Variants in SLCO5A1 observed in about 807,000 individuals in gnomAD.
SLCO5A1 encodes the protein solute carrier organic anion transporter family member 5A1.
Under a neutral mutation model 65.1 loss-of-function variants are expected in SLCO5A1, and 39 were observed. The ratio of observed to expected loss-of-function variants is 0.60; its 90% CI spans 0.46 to 0.78. The LOEUF is 0.78. Ranked by LOEUF, SLCO5A1 falls within the 30% of genes least tolerant of loss-of-function variation. SLCO5A1 has a pLI of 0.00. For missense variants in SLCO5A1, 1,029 were observed against 1,069.4 expected (o/e 0.96, Z 0.53); for synonymous variants, 438 against 415.7 (o/e 1.05, Z -0.65).
At chr8:69,733,992 C>T (rs1004357431) in intron 5 of SLCO5A1, among the ~76,000 whole-genome samples, 15 of 151,750 alleles carry the variant, frequency 9.9e-5, no homozygotes, top group Non-Finnish European at 1.9e-4. Flanking sequence ...GCAGAAAGAC[C>T]ATGAGCAGGG....
intron 3 of SLCO5A1, among the ~76,000 whole-genome samples, chr8:69,761,212 GT>G (rs1456282648): frequency 5.3e-5 from 8 of 152,202 alleles, no homozygotes; most frequent in Non-Finnish European, 1.0e-4. Context: ...GCTATAAGAA[GT>G]TACCACACAC....
intron 4 of SLCO5A1, among the ~76,000 whole-genome samples, chr8:69,753,848 TAA>T (rs71275012): frequency 7.0e-6 from 1 of 143,486 alleles, no homozygotes. Flanking sequence ...CCATCTCTGC[TAA>T]AAAAAAAAAA....
chr8:69,734,687 T>A (rs1816481347), intron 5 of SLCO5A1, among the ~76,000 whole-genome samples: 1 of 152,204 alleles, frequency 6.6e-6, no homozygotes. Flanking sequence ...TCTCTATCCA[T>A]AACACAACGC....
intron 6 of SLCO5A1, among the ~76,000 whole-genome samples, chr8:69,683,343 C>T (rs1274126842): frequency 6.6e-6 from 1 of 152,136 alleles, no homozygotes; most frequent in East Asian, 1.9e-4. Flanking sequence ...TCCATTTTTC[C>T]AGTATCTACC....
Position 69,672,803 on chromosome 8 carries a change from A to C in SLCO5A1, c.*66T>G. ...AAAAAAGAAAGAAAGAAAAGAAGGC[A>C]CAGTTGTTTCTCAAGTCGCCATTTT... On this transcript the variant is annotated 3_prime_UTR_variant, in exon 10 of 10. Transcript: ENST00000260126. The C allele has an allele frequency of 6.7e-7, 1 of 1,497,848 alleles. No individual in the cohort carries two copies. The highest frequency in any genetic ancestry group is 9.0e-7 in the Non-Finnish European group (1 of 1,112,966). 92.8% of individuals were successfully genotyped at this position (1,497,848 alleles called of 1,614,324 possible).
At chr8:69,741,762 A>AGGATATTCAAAGTTAAT (rs1445468050) in intron 4 of SLCO5A1, among the ~76,000 whole-genome samples, 1 of 152,240 alleles carries the variant, frequency 6.6e-6, no homozygotes, top group Admixed American at 6.5e-5. Context: ...TCCAAATTGA[A>AGGATATTCAAAGTTAAT]GGATATTCAA....
Position 69,695,611 on chromosome 8 carries a change from T to A in SLCO5A1, c.1622+9420A>T, listed in dbSNP as rs564254194. 2.0e-5 allele frequency among the ~76,000 whole-genome samples: 3 copies of A among 152,234 alleles called. No individual in the cohort carries two copies. In the East Asian group the frequency reaches 5.8e-4, roughly 29 times the overall value. On this transcript the variant is annotated intron_variant, in intron 6 of 9. Transcript: ENST00000260126. ...TAATGTTTTCAACCAAATGTATAAG[T>A]AATTATGCTGGTAACCAGGAGAGAT... is the stretch of plus-strand genomic sequence containing the variant.
intron 6 of SLCO5A1, among the ~76,000 whole-genome samples, chr8:69,682,818 G>A (rs749351829): frequency 2.0e-5 from 3 of 152,150 alleles, no homozygotes; most frequent in Admixed American, 6.5e-5. Context: ...ATTAATATAC[G>A]TTCCTTCGAC....
At chr8:69,765,881 A>T (rs780653360) in intron 2 of SLCO5A1, among the ~76,000 whole-genome samples, 1 of 152,084 alleles carries the variant, frequency 6.6e-6, no homozygotes, top group Non-Finnish European at 1.5e-5. Context: ...TCCAGGCCTG[A>T]CTGTCCTCCC....
intron 4 of SLCO5A1, among the ~76,000 whole-genome samples, chr8:69,748,312 T>C (rs1289779956): frequency 1.3e-5 from 2 of 152,200 alleles, no homozygotes; most frequent in African/African-American, 4.8e-5. Flanking sequence ...TGTTCACATA[T>C]CTTTCTAAGG....
rs1028109505 is a variant in SLCO5A1, at chr8:69,668,581, A to G, written c.*4288T>C. ...GGGCTTGCCTCCTGCTCCTGGGTGCACTAGGGAATTCCCATCAATGCTTCA... is the reference window on the plus strand; with the variant it reads ...GGGCTTGCCTCCTGCTCCTGGGTGCGCTAGGGAATTCCCATCAATGCTTCA... On this transcript the variant is annotated 3_prime_UTR_variant, in exon 10 of 10. Transcript: ENST00000260126. 3 of 152,226 alleles carry G rather than the reference A, an allele frequency of 2.0e-5. No homozygotes were observed. Among genetic ancestry groups the G allele is most frequent in the Non-Finnish European group, 4.4e-5 (3 of 68,050 alleles). 9.4% of individuals were successfully genotyped at this position (152,226 alleles called of 1,614,324 possible). A position where few individuals can be genotyped will look rare whatever the true frequency, so the allele number is the denominator to read the frequency against.
intron 2 of SLCO5A1, among the ~76,000 whole-genome samples, chr8:69,800,969 A>G (rs1309574380): frequency 6.6e-6 from 1 of 152,228 alleles, no homozygotes; most frequent in African/African-American, 2.4e-5. Flanking sequence ...CAGAATGAGG[A>G]GAACCCACAC....
intron 5 of SLCO5A1, among the ~76,000 whole-genome samples, chr8:69,722,272 A>C (rs1417225694): frequency 6.6e-6 from 1 of 152,232 alleles, no homozygotes; most frequent in East Asian, 1.9e-4. Context: ...ACCTAAACTC[A>C]TGGAGGGAAA....
Position 69,740,239 on chromosome 8 carries a change from G to A in SLCO5A1, c.1259-2035C>T, listed in dbSNP as rs371900757. On this transcript the variant is annotated intron_variant, in intron 4 of 9. Coordinates refer to ENST00000260126, the MANE Select transcript of SLCO5A1 (RefSeq NM_030958.3). Reference sequence around the variant, plus strand: ...ACTGGGGCTGAGCTTTCAGCCTACAGCCCTCCAGGAGTTGGGGTGGGAGAA... The same window carrying A: ...ACTGGGGCTGAGCTTTCAGCCTACAACCCTCCAGGAGTTGGGGTGGGAGAA... Among the ~76,000 whole-genome samples the A allele has an allele frequency of 8.7e-4, 133 of 152,306 alleles. 3 individuals carry two copies. The South Asian group carries it at 0.026, about 30-fold the overall frequency.
At chr8:69,708,388 T>C (rs943236015) in intron 5 of SLCO5A1, among the ~76,000 whole-genome samples, 1 of 152,142 alleles carries the variant, frequency 6.6e-6, no homozygotes, top group African/African-American at 2.4e-5. Flanking sequence ...GTATTCGGTA[T>C]ATAATATAAA....
intron 2 of SLCO5A1, among the ~76,000 whole-genome samples, chr8:69,767,905 A>G (rs1481414390): frequency 0.011 from 1,517 of 140,272 alleles, 41 homozygotes; most frequent in South Asian, 0.071. Context: ...AAAAAAAAAA[A>G]AAAAAACAAA....
chr8:69,740,265 C>T (rs1021401040), intron 4 of SLCO5A1, among the ~76,000 whole-genome samples: 1 of 152,156 alleles, frequency 6.6e-6, no homozygotes. Context: ...GGTGGGAGAA[C>T]AGTATACAGG....
chr8:69,674,048 G>A (rs1386197686), intron 9 of SLCO5A1, among the ~76,000 whole-genome samples: 2 of 152,150 alleles, frequency 1.3e-5, no homozygotes, highest in Non-Finnish European at 2.9e-5. Context: ...TGTGTCACAT[G>A]CTACTCCCTT....
intron 5 of SLCO5A1, among the ~76,000 whole-genome samples, chr8:69,734,199 G>T (rs967260432): frequency 2.6e-5 from 4 of 152,138 alleles, no homozygotes; most frequent in African/African-American, 9.7e-5. Context: ...TTCCCACCCT[G>T]CACCTGCTTG....
Sources: gnomAD v4.1 joint callset for allele counts (sites outside exome capture counted in the v4.1 genomes callset) on GRCh38, gnomAD v4.1.1 for gene constraint, MANE v1.5 for transcripts, NCBI Gene and HGNC (gene_info 2026-07-23, HGNC 2026-07-21) for gene names.